Variants in SCYL3 observed in about 807,000 individuals in gnomAD.
The protein encoded by SCYL3 is SCY1 like pseudokinase 3, also known as protein-associating with the carboxyl-terminal domain of ezrin.
A neutral mutation model predicts 73.8 loss-of-function variants in SCYL3; 35 were observed. The observed-to-expected ratio is 0.47, with a 90% CI of 0.36 to 0.63. The LOEUF is 0.63. Among genes scored for constraint, SCYL3 ranks in the 20% least tolerant of loss-of-function variants. The pLI, the probability that SCYL3 is intolerant of heterozygous loss-of-function variation, is 0.00. For synonymous variants in SCYL3, 277 were observed against 295.2 expected (o/e 0.94, Z 0.63); for missense variants, 712 against 798.9 (o/e 0.89, Z 1.31).
intron 2 of SCYL3, among the ~76,000 whole-genome samples, chr1:169,880,844 C>T: frequency 6.6e-6 from 1 of 151,552 alleles, no homozygotes; most frequent in East Asian, 1.9e-4. Flanking sequence ...TGACTGCAAC[C>T]TCCGCCTCCC....
rs1391136378 is a variant in SCYL3 at position 169,862,795 on chromosome 1, G to C, written c.958C>G (p.His320Asp). The C allele has an allele frequency of 6.2e-7, 1 of 1,612,616 alleles. No homozygotes were observed. The highest frequency in any genetic ancestry group is 8.5e-7 in the Non-Finnish European group (1 of 1,179,148). Reference protein sequence around the residue: ...LPYLLGPKKDHAQGETPCLLS... With the variant: ...LPYLLGPKKDDAQGETPCLLS... ...AAGCAAGGAGTTTCTCCCTGCGCAT[G>C]ATCTACCCGAAAAATCAAAGGTTAC... The change falls in exon 10 of 13, where the codon CAT (histidine) becomes GAT (aspartate). Residue 320 changes from histidine to aspartate, a missense_variant and splice_region_variant. Around this residue, in one of 2 missense-constraint regions of SCYL3, gnomAD observed 342 missense variants for 448.1 expected, o/e 0.76. Transcript: ENST00000367771.
intron 2 of SCYL3, among the ~76,000 whole-genome samples, chr1:169,882,776 G>C: frequency 6.6e-6 from 1 of 152,198 alleles, no homozygotes; most frequent in East Asian, 1.9e-4. Flanking sequence ...TCCACACTCT[G>C]TATCTAGCTA....
At chr1:169,856,031 G>A in intron 11 of SCYL3, 1 of 1,368,356 alleles carries the variant, frequency 7.3e-7, no homozygotes, top group Non-Finnish European at 1.0e-6. Flanking sequence ...TGGTTGGTGG[G>A]CATAGTTAAG....
Position 169,864,453 on chromosome 1 carries a change from C to T in SCYL3, c.871G>A (p.Val291Met). 1 of 1,613,718 alleles carries T rather than the reference C, an allele frequency of 6.2e-7. No homozygotes were observed. Among genetic ancestry groups the T allele is most frequent in the African/African-American group, 1.3e-5 (1 of 74,998 alleles). ...ACCAACTGATTAAGCAGAAGAGGCA[C>T]CAACCTTGAAGCTATCAATTCCTCT... ...LSEELIASRL[V>M]PLLLNQLVFA... The change falls in exon 9 of 13, where the codon GTG (valine) becomes ATG (methionine). Residue 291 changes from valine to methionine, a missense_variant. Transcript: ENST00000367771.
intron 2 of SCYL3, among the ~76,000 whole-genome samples, chr1:169,882,543 G>C (rs931916012): frequency 1.3e-5 from 2 of 152,228 alleles, no homozygotes; most frequent in African/African-American, 2.4e-5. Flanking sequence ...GCCCCAGTGC[G>C]GGATCCACTG....
intron 1 of SCYL3, among the ~76,000 whole-genome samples, chr1:169,889,392 A>G (rs1158192224): frequency 2.6e-5 from 4 of 152,218 alleles, no homozygotes; most frequent in African/African-American, 4.8e-5. Context: ...GATGAAAAAC[A>G]TATTAACAAA....
chr1:169,869,032 C>T lies in SCYL3; in HGVS notation c.633G>A (p.Ala211=), dbSNP rs770952432. 1.1e-5 allele frequency: 17 copies of T among 1,613,260 alleles called. No homozygotes were observed. Among genetic ancestry groups the T allele is most frequent in the Admixed American group, 5.0e-5 (3 of 59,982 alleles). Residue 211 remains alanine, a synonymous_variant, in exon 7 of 13, where the codon GCG becomes GCA. Transcript: ENST00000367771. ...TCTGTTGAAAGCTGGAGAGAACATC[C>T]GCTGAAACTGAAATCCAGAGCTACA... ...LLTILNEQVS[A]DVLSSFQQTL...
intron 2 of SCYL3, among the ~76,000 whole-genome samples, chr1:169,883,774 A>G (rs1661477504): frequency 1.4e-5 from 2 of 140,390 alleles, no homozygotes; most frequent in African/African-American, 5.4e-5. Flanking sequence ...GCTGCATTGC[A>G]GTGGCACAAT....
chr1:169,858,454 G>C (rs1659361930), intron 11 of SCYL3, among the ~76,000 whole-genome samples: 1 of 152,146 alleles, frequency 6.6e-6, no homozygotes, highest in African/African-American at 2.4e-5. Context: ...CCTCCTGAAG[G>C]ACCCCTGGAG....
At chr1:169,862,227 T>C (rs1398546143) in intron 10 of SCYL3, among the ~76,000 whole-genome samples, 1 of 152,236 alleles carries the variant, frequency 6.6e-6, no homozygotes, top group Non-Finnish European at 1.5e-5. Flanking sequence ...CATAATAAGG[T>C]TCCCTAGTGG....
rs978717997 is a variant in SCYL3, at chr1:169,850,673, G to T, written c.*3040C>A. ...TAGCCGGGCATGGTGGTACGCGCCT[G>T]CAGTCCCAGCTACTCGGGAGGCTGA... is the stretch of plus-strand genomic sequence containing the variant. On this transcript the variant is annotated 3_prime_UTR_variant, in exon 13 of 13. Coordinates refer to ENST00000367771, the MANE Select transcript of SCYL3 (RefSeq NM_020423.7). 5.2e-6 allele frequency: 1 copy of T among 192,622 alleles called. No individual in the cohort carries two copies. The allele number at this position is 192,622 out of a possible 1,614,324, so 11.9% of individuals were successfully genotyped here. A position where few individuals can be genotyped will look rare whatever the true frequency, so the allele number is the denominator to read the frequency against.
At chr1:169,855,739 T>G in intron 11 of SCYL3, 1 of 1,515,334 alleles carries the variant, frequency 6.6e-7, no homozygotes, top group Non-Finnish European at 9.0e-7. Context: ...AGCTTATTAG[T>G]CTCAGGAAAA....
At position 169,868,964 on chromosome 1, in the gene SCYL3, G is replaced by A. The variant is rs1381628529; in HGVS notation, c.701C>T (p.Pro234Leu). The change falls in exon 7 of 13, where the codon CCA (proline) becomes CTA (leucine). Residue 234 changes from proline (P) to leucine (L), a missense_variant. Pro to Leu is a moderately conservative substitution (Grantham distance 98, BLOSUM62 -3). Transcript: ENST00000367771. ...ATGAGATAGTAAGGTGCAGAGCGCT[G>A]GCCGACATTTTGGAATGGGATTCAG... is the stretch of plus-strand genomic sequence containing the variant. Reference protein sequence around the residue: ...TLLNPIPKCRPALCTLLSHDF... With the variant: ...TLLNPIPKCRLALCTLLSHDF... 2.5e-6 allele frequency: 4 copies of A among 1,614,118 alleles called. No individual in the cohort carries two copies. The highest frequency in any genetic ancestry group is 2.2e-5 in the East Asian group (1 of 44,888).
chr1:169,877,182 C>T (rs1660909179), intron 3 of SCYL3, among the ~76,000 whole-genome samples: 1 of 152,070 alleles, frequency 6.6e-6, no homozygotes, highest in South Asian at 2.1e-4. Flanking sequence ...GTATTTATTA[C>T]AGGGTCTCTG....
intron 2 of SCYL3, 66 bp downstream of exon 2, chr1:169,888,610 T>C (rs1341391045): frequency 1.5e-6 from 2 of 1,336,560 alleles, no homozygotes; most frequent in Non-Finnish European, 2.1e-6. Context: ...ACTAATTTCA[T>C]ATTTTTTTAA....
intron 2 of SCYL3, among the ~76,000 whole-genome samples, chr1:169,879,185 G>A (rs899640213): frequency 1.3e-5 from 2 of 152,202 alleles, no homozygotes; most frequent in African/African-American, 4.8e-5. Flanking sequence ...CAAACCTGAA[G>A]AAGCGACACC....
In SCYL3 at chr1:169,853,246, A is replaced by C; in HGVS notation, c.*467T>G. 1 of 451,530 alleles carries C rather than the reference A, an allele frequency of 2.2e-6. No homozygotes were observed. Among genetic ancestry groups the C allele is most frequent in the Non-Finnish European group, 3.9e-6 (1 of 255,862 alleles). 28.0% of individuals were successfully genotyped at this position (451,530 alleles called of 1,614,324 possible). Reference sequence around the variant, plus strand: ...CAGATAGTCTAACTGTAAACAAATAAATAAGCTGCCTAAGGAAACCTCAGC... The same window carrying C: ...CAGATAGTCTAACTGTAAACAAATACATAAGCTGCCTAAGGAAACCTCAGC... On this transcript the variant is annotated 3_prime_UTR_variant, in exon 13 of 13. Transcript: ENST00000367771.
chr1:169,869,723 T>C (rs1320334749), intron 6 of SCYL3, among the ~76,000 whole-genome samples: 2 of 152,132 alleles, frequency 1.3e-5, no homozygotes. Context: ...AGCATGCAGT[T>C]AGAGAACACA....
intron 2 of SCYL3, among the ~76,000 whole-genome samples, chr1:169,888,386 T>C (rs1661823635): frequency 6.6e-6 from 1 of 152,228 alleles, no homozygotes; most frequent in South Asian, 2.1e-4. Context: ...ATATCTTATA[T>C]TAGCTACATA....
Sources: allele counts gnomAD v4.1 joint callset (sites outside exome capture counted in the v4.1 genomes callset), GRCh38; gene constraint gnomAD v4.1.1; regional missense constraint gnomAD v4.1.1; transcripts MANE v1.5; gene names NCBI Gene and HGNC (gene_info 2026-07-23, HGNC 2026-07-21).